Variants in NEK11 observed in about 807,000 individuals in gnomAD.
NEK11 encodes NIMA related kinase 11.
NEK11 carries 72 observed loss-of-function variants against 80.7 expected under a neutral mutation model. That is an observed-to-expected ratio of 0.89 (90% CI 0.74 to 1.08). The LOEUF is 1.08. Ranked by LOEUF, NEK11 falls within the 50% of genes least tolerant of loss-of-function variation. The pLI, the probability that NEK11 is intolerant of heterozygous loss-of-function variation, is 0.00. For synonymous variants in NEK11, 251 were observed against 260.7 expected, an observed-to-expected ratio of 0.96 and a Z score of 0.36; for missense variants, 764 against 763.6, an observed-to-expected ratio of 1.00 and a Z score of -0.01.
intron 13 of NEK11, among the ~76,000 whole-genome samples, chr3:131,169,866 G>A (rs1223054090): frequency 6.6e-6 from 1 of 152,162 alleles, no homozygotes; most frequent in Non-Finnish European, 1.5e-5. Flanking sequence ...CGTATTTCAT[G>A]TACTCTCTGT....
chr3:131,091,081 C>T (rs151331122), intron 4 of NEK11, among the ~76,000 whole-genome samples: 1 of 152,092 alleles, frequency 6.6e-6, no homozygotes, highest in East Asian at 1.9e-4. Flanking sequence ...TTAAAGAACA[C>T]AGTAAATGCA....
chr3:131,204,162 G>T (rs1340328951), intron 14 of NEK11, among the ~76,000 whole-genome samples: 1 of 152,072 alleles, frequency 6.6e-6, no homozygotes, highest in African/African-American at 2.4e-5. Context: ...GATGGAGTTT[G>T]CCCAGATTCT....
At chr3:131,227,378 A>G (rs1177555013) in intron 14 of NEK11, among the ~76,000 whole-genome samples, 1 of 152,162 alleles carries the variant, frequency 6.6e-6, no homozygotes, top group East Asian at 1.9e-4. Flanking sequence ...TTCCCTGCAT[A>G]CCGATGCTTT....
At chr3:131,140,394 G>A (rs189808526) in intron 7 of NEK11, among the ~76,000 whole-genome samples, 1 of 152,300 alleles carries the variant, frequency 6.6e-6, no homozygotes, top group East Asian at 1.9e-4. Flanking sequence ...CCAGTGATGT[G>A]CGTGAGCCAT....
chr3:131,193,335 A>T (rs2093875403), intron 14 of NEK11, among the ~76,000 whole-genome samples: 2 of 152,150 alleles, frequency 1.3e-5, no homozygotes. Context: ...AAAAAGGCAA[A>T]TAACATATTG....
chr3:131,098,500 G>T (rs919451359), intron 4 of NEK11, among the ~76,000 whole-genome samples: 1 of 151,812 alleles, frequency 6.6e-6, no homozygotes, highest in African/African-American at 2.4e-5. Context: ...GATTAGTGAT[G>T]ATGAGCATTT....
intron 17 of NEK11, among the ~76,000 whole-genome samples, chr3:131,276,783 T>C (rs2108754141): frequency 6.6e-6 from 1 of 152,244 alleles, no homozygotes; most frequent in Middle Eastern, 3.4e-3. Context: ...AAATTTCACA[T>C]CAGTACATAC....
intron 14 of NEK11, among the ~76,000 whole-genome samples, chr3:131,212,029 TGGA>T (rs1398045438): frequency 6.6e-6 from 1 of 152,236 alleles, no homozygotes; most frequent in Non-Finnish European, 1.5e-5. Flanking sequence ...TGCGATCCTT[TGGA>T]GGAGAAGAGG....
intron 17 of NEK11, among the ~76,000 whole-genome samples, chr3:131,284,427 A>G (rs138603662): frequency 4.8e-4 from 73 of 152,146 alleles, no homozygotes; most frequent in African/African-American, 1.5e-3. Flanking sequence ...TTCTGTCTCT[A>G]TTGTCCCCAT....
intron 5 of NEK11, among the ~76,000 whole-genome samples, chr3:131,117,565 C>A (rs1048358779): frequency 2.0e-5 from 3 of 152,106 alleles, no homozygotes; most frequent in African/African-American, 7.2e-5. Flanking sequence ...TTACCTTGGG[C>A]AGTATGGCCA....
chr3:131,293,081 C>CT (rs2096559998), intron 17 of NEK11, among the ~76,000 whole-genome samples: 1 of 151,984 alleles, frequency 6.6e-6, no homozygotes, highest in African/African-American at 2.4e-5. Flanking sequence ...TATTTATTTC[C>CT]TTTTTTATCT....
intron 14 of NEK11, among the ~76,000 whole-genome samples, chr3:131,210,942 G>A (rs2094592539): frequency 6.6e-6 from 1 of 152,204 alleles, no homozygotes; most frequent in African/African-American, 2.4e-5. Flanking sequence ...GCCAGTCTGT[G>A]TCTTTTAATT....
At chr3:131,041,532 A>C (rs1043144969) in intron 3 of NEK11, among the ~76,000 whole-genome samples, 2 of 152,052 alleles carry the variant, frequency 1.3e-5, no homozygotes, top group Non-Finnish European at 2.9e-5. Flanking sequence ...ATGTGTATAC[A>C]TACGTAAATA....
At chr3:131,191,915 C>T (rs139404166) in intron 14 of NEK11, among the ~76,000 whole-genome samples, 5 of 152,054 alleles carry the variant, frequency 3.3e-5, no homozygotes, top group African/African-American at 9.6e-5. Flanking sequence ...ACCAAAAGTA[C>T]CAGCAACAAA....
At chr3:131,156,143 T>A (rs935404310) in intron 10 of NEK11, among the ~76,000 whole-genome samples, 2 of 152,196 alleles carry the variant, frequency 1.3e-5, no homozygotes, top group Admixed American at 1.3e-4. Flanking sequence ...TCCAGTTGTT[T>A]GGAGGGTATT....
intron 14 of NEK11, among the ~76,000 whole-genome samples, chr3:131,196,365 A>G (rs2094009014): frequency 6.6e-6 from 1 of 152,162 alleles, no homozygotes; most frequent in Admixed American, 6.6e-5. Flanking sequence ...AATAAATTTC[A>G]GTGAATTAAA....
intron 17 of NEK11, among the ~76,000 whole-genome samples, chr3:131,348,771 C>T (rs1030859025): frequency 1.3e-5 from 2 of 151,554 alleles, no homozygotes; most frequent in Admixed American, 6.6e-5. Flanking sequence ...TTGGTGGAAA[C>T]TTGGCCAAAT....
chr3:131,153,501 T>C (rs2090066555), intron 9 of NEK11, among the ~76,000 whole-genome samples: 1 of 152,156 alleles, frequency 6.6e-6, no homozygotes, highest in South Asian at 2.1e-4. Flanking sequence ...AGGGCTTTTG[T>C]TTGTTTTTTT....
At chr3:131,144,754 T>C (rs145933996) in intron 7 of NEK11, among the ~76,000 whole-genome samples, 1 of 152,264 alleles carries the variant, frequency 6.6e-6, no homozygotes, top group African/African-American at 2.4e-5. Flanking sequence ...GTAGGTGCAC[T>C]GGGACCACTA....
Sources: allele counts gnomAD v4.1 joint callset (sites outside exome capture counted in the v4.1 genomes callset), GRCh38; gene constraint gnomAD v4.1.1; transcripts MANE v1.5; gene names NCBI Gene and HGNC (gene_info 2026-07-23, HGNC 2026-07-21).